PTCHD4: variants seen among roughly 807,000 people sequenced by gnomAD.
PTCHD4 encodes patched domain containing 4, also known as patched domain-containing protein 4.
A neutral mutation model predicts 58.1 loss-of-function variants in PTCHD4; 33 were observed. That is an observed-to-expected ratio of 0.57 (90% CI 0.43 to 0.76). The LOEUF is 0.76. Among genes scored for constraint, PTCHD4 ranks in the 30% least tolerant of loss-of-function variants. PTCHD4 has a pLI of 0.00. For missense variants in PTCHD4, 1,058 were observed against 1,027.1 expected (o/e 1.03, Z -0.41); for synonymous variants, 478 against 409.6 (o/e 1.17, Z -2.02).
intron 1 of PTCHD4, among the ~76,000 whole-genome samples, chr6:48,090,102 T>C (rs1356231890): frequency 6.6e-6 from 1 of 151,726 alleles, no homozygotes; most frequent in Non-Finnish European, 1.5e-5. Context: ...TACAGTTAAT[T>C]CAGAATCTAC....
chr6:47,923,955 C>T (rs563788216), intron 4 of PTCHD4, among the ~76,000 whole-genome samples: 1 of 152,294 alleles, frequency 6.6e-6, no homozygotes, highest in African/African-American at 2.4e-5. Context: ...AGGCTAACAT[C>T]ACTCACAAAA....
rs750989093 is a variant in PTCHD4, at chr6:48,068,514, C to G, written c.133G>C (p.Val45Leu). The G allele has an allele frequency of 6.2e-7, 1 of 1,612,728 alleles. No individual in the cohort carries two copies. The highest frequency in any genetic ancestry group is 1.1e-5 in the South Asian group (1 of 91,058). The change falls in exon 3 of 5, where the codon GTG (valine) becomes CTG (leucine). Residue 45 changes from valine (V) to leucine (L), a missense_variant. Coordinates refer to ENST00000339488, the MANE Select transcript of PTCHD4 (RefSeq NM_001384253.1). The surrounding 1 kb of genome is among the most constrained non-coding windows in gnomAD (Gnocchi z 4.2). ...VSRHPVFFLTVPAVLTITFGL... is the reference protein window; with the variant it reads ...VSRHPVFFLTLPAVLTITFGL... Reference sequence around the variant, plus strand: ...AAGGTGATTGTCAGGACTGCGGGCACGGTGAGGAAAAAGACCGGGTGCCGG... The same window carrying G: ...AAGGTGATTGTCAGGACTGCGGGCAGGGTGAGGAAAAAGACCGGGTGCCGG...
At chr6:47,918,963 C>G (rs1017103105) in intron 4 of PTCHD4, among the ~76,000 whole-genome samples, 2 of 152,124 alleles carry the variant, frequency 1.3e-5, no homozygotes, top group Middle Eastern at 6.8e-3. Flanking sequence ...GGATGAGGTG[C>G]GAGCCATAGT....
At chr6:47,944,537 G>A (rs1040618371) in intron 4 of PTCHD4, among the ~76,000 whole-genome samples, 1 of 152,202 alleles carries the variant, frequency 6.6e-6, no homozygotes, top group African/African-American at 2.4e-5. Context: ...AGCTTTAACA[G>A]GGGCTTTAAA....
intron 4 of PTCHD4, among the ~76,000 whole-genome samples, chr6:47,918,266 C>T (rs1301470379): frequency 6.6e-6 from 1 of 152,012 alleles, no homozygotes; most frequent in Non-Finnish European, 1.5e-5. Context: ...AATGGAAATG[C>T]TATTGGCATA....
At chr6:48,090,394 A>G (rs1218430334) in intron 1 of PTCHD4, among the ~76,000 whole-genome samples, 1 of 152,198 alleles carries the variant, frequency 6.6e-6, no homozygotes, top group African/African-American at 2.4e-5. Flanking sequence ...CTATCTGCCG[A>G]ACATTTTACT....
rs1015235355 is a variant in PTCHD4, at chr6:47,861,029, T to C, written c.*17274A>G. On this transcript the variant is annotated 3_prime_UTR_variant, in exon 5 of 5. Transcript: ENST00000339488. Reference sequence around the variant, plus strand: ...CCCCTGGATGCCTCTCTAATCATTATTTTAGTGGAACATTTCAATCGCAGT... The same window carrying C: ...CCCCTGGATGCCTCTCTAATCATTACTTTAGTGGAACATTTCAATCGCAGT... 6.6e-6 allele frequency among the ~76,000 whole-genome samples: 1 copy of C among 151,968 alleles called. No homozygotes were observed. Among genetic ancestry groups the C allele is most frequent in the African/African-American group, 2.4e-5 (1 of 41,408 alleles).
At chr6:48,053,977 C>T (rs1295260205) in intron 3 of PTCHD4, among the ~76,000 whole-genome samples, 2 of 152,118 alleles carry the variant, frequency 1.3e-5, no homozygotes. Context: ...CCCTTATCCT[C>T]TCATCCCGTC....
At chr6:48,096,289 G>A (rs1455201110) in intron 1 of PTCHD4, among the ~76,000 whole-genome samples, 1 of 152,038 alleles carries the variant, frequency 6.6e-6, no homozygotes, top group Non-Finnish European at 1.5e-5. Context: ...GACACATAAG[G>A]GGACACAGTA....
chr6:48,036,157 T>G (rs547989348), intron 3 of PTCHD4, among the ~76,000 whole-genome samples: 66 of 152,214 alleles, frequency 4.3e-4, no homozygotes, highest in Non-Finnish European at 8.5e-4. Flanking sequence ...TTTAATTTTT[T>G]TTCACTTCCG....
chr6:48,072,638 C>A (rs1259051918), intron 1 of PTCHD4, among the ~76,000 whole-genome samples: 2 of 152,152 alleles, frequency 1.3e-5, no homozygotes, highest in Non-Finnish European at 2.9e-5. Context: ...TAATCCCTGA[C>A]AGAGCAATGA....
intron 4 of PTCHD4, among the ~76,000 whole-genome samples, chr6:48,007,622 C>T (rs1762492725): frequency 6.6e-6 from 1 of 152,156 alleles, no homozygotes; most frequent in Admixed American, 6.5e-5. Flanking sequence ...TGTCTGTTTT[C>T]CTCATAGATC....
At position 47,878,389 on chromosome 6, in the gene PTCHD4, T is replaced by C. The variant is rs142142059; in HGVS notation, c.2446A>G (p.Lys816Glu). ...TCCTTTCGCTTGGCACGTTTCTTTT[T>C]CTTGTGGTGCTTTTTGGAAGGGGGG... ...FFPPSKKHHK[K>E]KKRAKRKERE... The change falls in exon 5 of 5, where the codon AAA becomes GAA. Residue 816 changes from lysine to glutamate, a missense_variant. Transcript: ENST00000339488. 544 of 1,613,226 alleles carry C rather than the reference T, an allele frequency of 3.4e-4. No individual in the cohort carries two copies. Among genetic ancestry groups the C allele is most frequent in the Non-Finnish European group, 4.2e-4 (495 of 1,179,616 alleles).
At chr6:48,053,189 T>C (rs1019711610) in intron 3 of PTCHD4, among the ~76,000 whole-genome samples, 5 of 152,118 alleles carry the variant, frequency 3.3e-5, no homozygotes, top group Admixed American at 3.3e-4. Context: ...ACATTTTGTT[T>C]ACAGGTGAAG....
intron 3 of PTCHD4, among the ~76,000 whole-genome samples, chr6:48,058,974 C>G (rs1256537934): frequency 6.6e-6 from 1 of 152,188 alleles, no homozygotes; most frequent in Non-Finnish European, 1.5e-5. Context: ...TAAATCTAAT[C>G]ATGAATTCAA....
Position 47,871,136 on chromosome 6 carries a change from C to T in PTCHD4, c.*7167G>A, listed in dbSNP as rs1218103491. Among the ~76,000 whole-genome samples the T allele has an allele frequency of 6.6e-6, 1 of 151,584 alleles. No homozygotes were observed. The highest frequency in any genetic ancestry group is 1.5e-5 in the Non-Finnish European group (1 of 67,684). On this transcript the variant is annotated 3_prime_UTR_variant, in exon 5 of 5. Coordinates refer to ENST00000339488, the MANE Select transcript of PTCHD4 (RefSeq NM_001384253.1). ...TGCTCAACTTTTACTCTCATTTCTA[C>T]AATTTGTCTATGCATGGGTGAAGAC...
At chr6:47,931,369 T>C (rs1360180425) in intron 4 of PTCHD4, among the ~76,000 whole-genome samples, 1 of 152,238 alleles carries the variant, frequency 6.6e-6, no homozygotes, top group Non-Finnish European at 1.5e-5. Context: ...GGCACTTTTT[T>C]TGGGACAAGT....
chr6:48,010,566 G>T (rs1336800986), intron 3 of PTCHD4, among the ~76,000 whole-genome samples: 1 of 151,764 alleles, frequency 6.6e-6, no homozygotes, highest in East Asian at 1.9e-4. Flanking sequence ...CTGTTAGTAG[G>T]ATCACCAGGA....
In PTCHD4 at chr6:47,875,259, A is replaced by C. The variant is rs372749980; in HGVS notation, c.*3044T>G. On this transcript the variant is annotated 3_prime_UTR_variant, in exon 5 of 5. Coordinates refer to ENST00000339488, the MANE Select transcript of PTCHD4 (RefSeq NM_001384253.1). ...GGCATTAGTACTTCATAAATGAACA[A>C]AACAATGAGTGCAAACTGGAAAAAC... 6.6e-6 allele frequency among the ~76,000 whole-genome samples: 1 copy of C among 152,004 alleles called. No homozygotes were observed. The highest frequency in any genetic ancestry group is 2.4e-5 in the African/African-American group (1 of 41,540).
Sources: allele counts gnomAD v4.1 joint callset (sites outside exome capture counted in the v4.1 genomes callset), GRCh38; gene constraint gnomAD v4.1.1; non-coding constraint Gnocchi (gnomAD v3.1); transcripts MANE v1.5; gene names NCBI Gene and HGNC (gene_info 2026-07-23, HGNC 2026-07-21).